The following MTDH variants were observed in gnomAD, a reference collection of about 807,000 sequenced individuals.
MTDH encodes metadherin, also known as protein LYRIC.
In MTDH, 34 loss-of-function variants were observed where a neutral mutation model predicts 72.7. The observed-to-expected ratio is 0.47, with a 90% CI of 0.36 to 0.62. The LOEUF (loss-of-function observed/expected upper bound fraction) is 0.62, where lower values mean the gene tolerates loss of function less well. MTDH is among the 20% of genes least tolerant of loss of function. The pLI is 0.00. For synonymous variants in MTDH, 266 were observed against 268.9 expected (o/e 0.99, Z 0.10); for missense variants, 677 against 699.4 (o/e 0.97, Z 0.36).
chr8:97,716,176 C>T (rs777416510), intron 9 of MTDH, among the ~76,000 whole-genome samples: 2 of 151,310 alleles, frequency 1.3e-5, no homozygotes, highest in East Asian at 3.9e-4. Context: ...CACCTGAGGT[C>T]GGGAGTTCGA....
intron 6 of MTDH, among the ~76,000 whole-genome samples, chr8:97,698,969 ATC>A (rs1813988451): frequency 6.6e-6 from 1 of 151,696 alleles, no homozygotes; most frequent in Non-Finnish European, 1.5e-5. Context: ...GGAAGACCCT[ATC>A]TCTACGAAAA....
At chr8:97,715,045 A>G (rs879921403) in intron 9 of MTDH, among the ~76,000 whole-genome samples, 1 of 152,076 alleles carries the variant, frequency 6.6e-6, no homozygotes, top group Non-Finnish European at 1.5e-5. Flanking sequence ...GGCTGGTCTC[A>G]AGTGATGTGG....
intron 7 of MTDH, 93 bp from the exon 8 acceptor site, chr8:97,706,533 T>C (rs1814360297): frequency 8.1e-7 from 1 of 1,234,174 alleles, no homozygotes; most frequent in African/African-American, 1.5e-5. Flanking sequence ...TAACTTAAAA[T>C]TACAGCTTAG....
At chr8:97,717,080 G>A (rs1252892753) in intron 9 of MTDH, among the ~76,000 whole-genome samples, 3 of 152,136 alleles carry the variant, frequency 2.0e-5, no homozygotes, top group African/African-American at 7.2e-5. Context: ...TTGTAAGATT[G>A]CAAAACTTTG....
chr8:97,670,855 C>T (rs980738328), intron 2 of MTDH, among the ~76,000 whole-genome samples: 37 of 151,598 alleles, frequency 2.4e-4, no homozygotes, highest in African/African-American at 8.0e-4. Flanking sequence ...CACCTGGGTT[C>T]GAGTGATTCT....
intron 9 of MTDH, among the ~76,000 whole-genome samples, chr8:97,716,561 G>A (rs1043824677): frequency 2.6e-4 from 39 of 151,990 alleles, no homozygotes; most frequent in Admixed American, 1.0e-3. Context: ...GGTAGCTGGC[G>A]CCTGTAGTCC....
chr8:97,645,608 T>TA (rs944623450), intron 1 of MTDH, among the ~76,000 whole-genome samples: 1 of 151,990 alleles, frequency 6.6e-6, no homozygotes, highest in Admixed American at 6.6e-5. Flanking sequence ...ATTTGTGAAA[T>TA]AGAGTAAAGG....
At chr8:97,658,502 T>C (rs1812062274) in intron 1 of MTDH, among the ~76,000 whole-genome samples, 3 of 152,224 alleles carry the variant, frequency 2.0e-5, no homozygotes, top group Admixed American at 2.0e-4. Context: ...AACTTGTTGG[T>C]GAGTTTTTAA....
Position 97,663,544 on chromosome 8 carries a change from C to T in MTDH, c.483+2371C>T, listed in dbSNP as rs183575125. Among the ~76,000 whole-genome samples, 18 of 151,616 alleles carry T rather than the reference C, an allele frequency of 1.2e-4. 1 individual carries two copies. The highest frequency in any genetic ancestry group is 4.1e-4 in the African/African-American group (17 of 41,336). ...CGGGCAGATCACGAGGTCAGGAGAT[C>T]GAGACCATCCTGGATAACATGGTGA... On this transcript the variant is annotated intron_variant, in intron 2 of 11. Transcript: ENST00000336273.
At chr8:97,645,350 C>T (rs901148901) in intron 1 of MTDH, among the ~76,000 whole-genome samples, 2 of 152,104 alleles carry the variant, frequency 1.3e-5, no homozygotes, top group Non-Finnish European at 2.9e-5. Context: ...AGTGCGGTGA[C>T]CTAGAAATTC....
intron 9 of MTDH, among the ~76,000 whole-genome samples, chr8:97,715,339 G>A (rs113736455): frequency 3.2e-4 from 48 of 151,686 alleles, no homozygotes; most frequent in African/African-American, 1.1e-3. Context: ...TGTTGGCCAG[G>A]CTGGTCTCAA....
At chr8:97,702,527 G>A (rs943978054) in intron 7 of MTDH, among the ~76,000 whole-genome samples, 8 of 152,178 alleles carry the variant, frequency 5.3e-5, no homozygotes, top group African/African-American at 1.9e-4. Flanking sequence ...ACTGCTGTTG[G>A]TATCCTTCTA....
chr8:97,691,209 T>G, intron 6 of MTDH, 21 bp downstream of exon 6: 1 of 1,488,152 alleles, frequency 6.7e-7, no homozygotes. Flanking sequence ...TTAGAAAAAT[T>G]TAACTTTATT....
intron 1 of MTDH, among the ~76,000 whole-genome samples, chr8:97,649,912 T>TA: frequency 6.6e-6 from 1 of 151,584 alleles, no homozygotes; most frequent in South Asian, 2.1e-4. Context: ...CCATTATTTT[T>TA]ATCTATTAAA....
At chr8:97,686,825 G>A (rs902218309) in intron 3 of MTDH, 73 bp downstream of exon 3, 8 of 1,026,504 alleles carry the variant, frequency 7.8e-6, no homozygotes, top group Non-Finnish European at 9.8e-6. Flanking sequence ...TATAAAAGCT[G>A]CATTTGTTTT....
chr8:97,665,190 T>C (rs1160430372), intron 2 of MTDH, among the ~76,000 whole-genome samples: 1 of 152,242 alleles, frequency 6.6e-6, no homozygotes, highest in Non-Finnish European at 1.5e-5. Context: ...TGTAGAGTAA[T>C]TGTACTCCTA....
intron 4 of MTDH, 23 bp downstream of exon 4, chr8:97,687,628 A>AG: frequency 1.3e-6 from 2 of 1,538,812 alleles, no homozygotes; most frequent in Non-Finnish European, 1.8e-6. Flanking sequence ...AACATAAGAC[A>AG]GTGGTACATC....
intron 2 of MTDH, among the ~76,000 whole-genome samples, chr8:97,684,799 G>A (rs1813291590): frequency 6.6e-6 from 1 of 152,198 alleles, no homozygotes; most frequent in Non-Finnish European, 1.5e-5. Context: ...GAGGCTGGGA[G>A]CAGCTCACGC....
chr8:97,702,422 A>G (rs1814169753), intron 7 of MTDH, among the ~76,000 whole-genome samples: 1 of 152,164 alleles, frequency 6.6e-6, no homozygotes, highest in Non-Finnish European at 1.5e-5. Flanking sequence ...AAAAATAACA[A>G]TTCCTCCCAA....
Sources: gnomAD v4.1 joint callset for allele counts (sites outside exome capture counted in the v4.1 genomes callset) on GRCh38, gnomAD v4.1.1 for gene constraint, MANE v1.5 for transcripts, NCBI Gene and HGNC (gene_info 2026-07-23, HGNC 2026-07-21) for gene names.